The following PREPL variants were observed in gnomAD, a reference collection of about 807,000 sequenced individuals.
The protein encoded by PREPL is prolyl endopeptidase-like.
Under a neutral mutation model 70.6 loss-of-function variants are expected in PREPL, and 77 were observed. That is an observed-to-expected ratio of 1.09 (90% CI 0.91 to 1.32). The LOEUF (loss-of-function observed/expected upper bound fraction) is 1.32, where lower values mean the gene tolerates loss of function less well. Ranked by LOEUF, PREPL falls within the 40% of genes most tolerant of loss-of-function variation. The pLI, the probability that PREPL is intolerant of heterozygous loss-of-function variation, is 0.00. For synonymous variants in PREPL, 315 were observed against 264.8 expected (o/e 1.19, Z -1.84); for missense variants, 1,002 against 778.2 (o/e 1.29, Z -3.42).
Position 44,320,710 on chromosome 2 carries a change from C to CTTCA in PREPL, c.*645_*646insTGAA. 8.9e-7 allele frequency: 1 copy of CTTCA among 1,127,492 alleles called. No individual in the cohort carries two copies. Among genetic ancestry groups the CTTCA allele is most frequent in the Non-Finnish European group, 1.4e-6 (1 of 739,390 alleles). 69.8% of individuals were successfully genotyped at this position (1,127,492 alleles called of 1,614,324 possible). ...TAAGCATTTGTAATAGCTTCATGTA[C>CTTCA]AGCATGCTGCTTGGTGAACAATCAT... On this transcript the variant is annotated 3_prime_UTR_variant, in exon 14 of 14. Coordinates refer to ENST00000409411, the MANE Select transcript of PREPL (RefSeq NM_001171613.2).
At chr2:44,328,335 C>T (rs1182217210) in intron 9 of PREPL, among the ~76,000 whole-genome samples, 1 of 142,584 alleles carries the variant, frequency 7.0e-6, no homozygotes, top group Non-Finnish European at 1.5e-5. Context: ...TACTCAGGAG[C>T]CTGAAGCATG....
chr2:44,325,811 C>T (rs1673434288), intron 10 of PREPL, among the ~76,000 whole-genome samples: 2 of 152,184 alleles, frequency 1.3e-5, no homozygotes, highest in African/African-American at 2.4e-5. Context: ...TCTCTCCCAT[C>T]TCAGTCATTA....
At chr2:44,322,022 C>T in intron 12 of PREPL, 122 bp from the exon 13 acceptor site, 2 of 943,330 alleles carry the variant, frequency 2.1e-6, no homozygotes, top group Non-Finnish European at 3.0e-6. Flanking sequence ...GAATAAAAAG[C>T]AAAAACCACC....
At chr2:44,356,702 TC>T (rs1167455297) in intron 1 of PREPL, among the ~76,000 whole-genome samples, 1 of 152,020 alleles carries the variant, frequency 6.6e-6, no homozygotes, top group Non-Finnish European at 1.5e-5. Context: ...TACTGAAGAG[TC>T]CCCAAACTTT....
chr2:44,346,737 A>G (rs1429300255), intron 1 of PREPL, among the ~76,000 whole-genome samples: 1 of 152,174 alleles, frequency 6.6e-6, no homozygotes, highest in African/African-American at 2.4e-5. Flanking sequence ...AATTCCATGA[A>G]CTTTTACATA....
chr2:44,352,454 G>A (rs111717942), intron 1 of PREPL, among the ~76,000 whole-genome samples: 32 of 152,066 alleles, frequency 2.1e-4, no homozygotes, highest in African/African-American at 6.8e-4. Flanking sequence ...TAGAGACAGG[G>A]TTTTGCCATG....
rs755542165 is a variant in PREPL, at chr2:44,344,545, G to A, written c.117C>T (p.Cys39=). 1.2e-6 allele frequency: 2 copies of A among 1,603,100 alleles called. No homozygotes were observed. The highest frequency in any genetic ancestry group is 2.2e-5 in the East Asian group (1 of 44,504). Residue 39 remains cysteine, a synonymous_variant, in exon 3 of 14, where the codon TGC becomes TGT. Transcript: ENST00000409411. ...CTTCTTCATCTTTGGAACGAACCAA[G>A]CAACAACCTTCTTGGTAATAAACAA... ...GGFVYYQEGC[C]LVRSKDEEAD... is the part of the protein sequence containing the mutation.
At chr2:44,354,800 C>T (rs1238098818) in intron 1 of PREPL, among the ~76,000 whole-genome samples, 1 of 152,236 alleles carries the variant, frequency 6.6e-6, no homozygotes, top group African/African-American at 2.4e-5. Context: ...TGGTCTTGAA[C>T]TTCTGACCTC....
chr2:44,327,083 C>A (rs183169030), intron 9 of PREPL, among the ~76,000 whole-genome samples, 155 bp from the exon 10 acceptor site: 2 of 152,266 alleles, frequency 1.3e-5, no homozygotes, highest in Non-Finnish European at 2.9e-5. Flanking sequence ...AAGGAATGTG[C>A]AACAGAAACT....
chr2:44,319,299 A>AAGAAT lies in PREPL; in HGVS notation c.*2052_*2056dup, dbSNP rs1163288166. On this transcript the variant is annotated 3_prime_UTR_variant, in exon 14 of 14. Transcript: ENST00000409411. ...CACTGATTTGGCAACAGCTCTTATGAAGAATAATTTGGCATTATGTATCAA... is the reference window on the plus strand; with the variant it reads ...CACTGATTTGGCAACAGCTCTTATGAAGAATAGAATAATTTGGCATTATGTATCAA... 1 of 152,664 alleles carries AAGAAT rather than the reference A, an allele frequency of 6.6e-6. No homozygotes were observed. The highest frequency in any genetic ancestry group is 1.5e-5 in the Non-Finnish European group (1 of 68,046). The allele number at this position is 152,664 out of a possible 1,614,324, so 9.5% of individuals were successfully genotyped here.
intron 1 of PREPL, among the ~76,000 whole-genome samples, chr2:44,357,198 C>A (rs758815705): frequency 2.6e-5 from 4 of 152,190 alleles, no homozygotes; most frequent in Non-Finnish European, 5.9e-5. Flanking sequence ...TCTAACATTC[C>A]CACTACACAT....
Position 44,346,304 on chromosome 2 carries a change from T to C in PREPL, c.39A>G (p.Thr13=). The C allele has an allele frequency of 1.2e-6, 2 of 1,612,464 alleles. 1 individual carries two copies. Among genetic ancestry groups the C allele is most frequent in the Non-Finnish European group, 1.7e-6 (2 of 1,179,320 alleles). The change falls in exon 2 of 14, where the codon ACA becomes ACG. Residue 13 remains threonine, a synonymous_variant. Transcript: ENST00000409411. ...AFEKVRTKLE[T]QPQEEYEIIN... is the part of the protein sequence containing the mutation. The stretch of plus-strand genomic sequence containing the variant: ...TGATTTCATATTCTTCTTGTGGCTG[T>C]GTTTCTAATTTTGTTCTCACTTTTT...
intron 1 of PREPL, among the ~76,000 whole-genome samples, chr2:44,355,835 T>C (rs376525935): frequency 4.0e-5 from 6 of 151,500 alleles, no homozygotes; most frequent in African/African-American, 1.5e-4. Context: ...ACCTGTATTG[T>C]AGAAATAGGC....
chr2:44,361,697 G>C (rs372859746), upstream of PREPL: 6 of 341,214 alleles, frequency 1.8e-5, no homozygotes, highest in Non-Finnish European at 3.2e-5. Flanking sequence ...TTCTGAGCTC[G>C]AGATGAAGCA....
In PREPL at chr2:44,321,285, TGC is replaced by T; in HGVS notation, c.*69_*70del. The T allele has an allele frequency of 8.0e-7, 1 of 1,251,932 alleles. No individual in the cohort carries two copies. The highest frequency in any genetic ancestry group is 1.1e-6 in the Non-Finnish European group (1 of 889,324). The allele number at this position is 1,251,932 out of a possible 1,614,324, so 77.6% of individuals were successfully genotyped here. A position where few individuals can be genotyped will look rare whatever the true frequency, so the allele number is the denominator to read the frequency against. ...AGTCTCAAGTTATTAATTTTTTTTT[TGC>T]TAACTCAATTGGAAGTAAGACTATG... is the stretch of plus-strand genomic sequence containing the variant. On this transcript the variant is annotated 3_prime_UTR_variant, in exon 14 of 14. Transcript: ENST00000409411.
chr2:44,339,141 G>C lies in PREPL; in HGVS notation c.702+6C>G. On this transcript the variant is annotated splice_donor_region_variant and intron_variant, in intron 6 of 13. Transcript: ENST00000409411. ...CCAAATAGGAACAACGAGCATCCAG[G>C]ATTACCTTAAATTCTGTAGGTTCTC... 5 of 1,613,396 alleles carry C rather than the reference G, an allele frequency of 3.1e-6. No homozygotes were observed. The highest frequency in any genetic ancestry group is 4.2e-6 in the Non-Finnish European group (5 of 1,179,480).
At chr2:44,332,056 C>A (rs1040747719) in intron 8 of PREPL, among the ~76,000 whole-genome samples, 3 of 150,894 alleles carry the variant, frequency 2.0e-5, no homozygotes, top group African/African-American at 7.3e-5. Context: ...ACGCCATTCT[C>A]CTGCCTCAGC....
chr2:44,338,604 A>G (rs762552331), intron 6 of PREPL, 68 bp from the exon 7 acceptor site: 63 of 1,289,118 alleles, frequency 4.9e-5, no homozygotes, highest in East Asian at 7.0e-5. Context: ...CAGAGATGCA[A>G]TCACTGAGAA....
rs1558499679 is a variant in PREPL, at chr2:44,336,656, T to C, written c.888+1695A>G. Among the ~76,000 whole-genome samples, 3 of 152,118 alleles carry C rather than the reference T, an allele frequency of 2.0e-5. No individual in the cohort carries two copies. The South Asian group carries it at 6.3e-4, about 32-fold the overall frequency. On this transcript the variant is annotated intron_variant, in intron 7 of 13. Coordinates refer to ENST00000409411, the MANE Select transcript of PREPL (RefSeq NM_001171613.2). ...AGACAATTTATCTATTAAACCAACC[T>C]GCACATGTACCCCTGAAAGTAAAAG...
Sources: gnomAD v4.1 joint callset for allele counts (sites outside exome capture counted in the v4.1 genomes callset) on GRCh38, gnomAD v4.1.1 for gene constraint, MANE v1.5 for transcripts, NCBI Gene and HGNC (gene_info 2026-07-23, HGNC 2026-07-21) for gene names.